The following CIB4 variants were observed in gnomAD, a reference collection of about 807,000 sequenced individuals.
CIB4 encodes calcium and integrin binding family member 4.
In CIB4, 25 loss-of-function variants were observed where a neutral mutation model predicts 25.8. The ratio of observed to expected loss-of-function variants is 0.97; its 90% CI spans 0.71 to 1.35. The LOEUF (loss-of-function observed/expected upper bound fraction) is 1.35. Among genes scored for constraint, CIB4 ranks in the 40% most tolerant of loss-of-function variants. The pLI is 0.00. For synonymous variants in CIB4, 75 were observed against 81.4 expected (o/e 0.92, Z 0.42); for missense variants, 235 against 228.2 (o/e 1.03, Z -0.19).
chr2:26,625,127 A>T (rs1669275335), intron 3 of CIB4, among the ~76,000 whole-genome samples: 1 of 152,144 alleles, frequency 6.6e-6, no homozygotes, highest in South Asian at 2.1e-4. Context: ...CTAGGGCCAG[A>T]ACCACAGACT....
chr2:26,588,435 G>A (rs1160518676), intron 4 of CIB4, among the ~76,000 whole-genome samples: 3 of 152,228 alleles, frequency 2.0e-5, no homozygotes, highest in Non-Finnish European at 1.5e-5. Context: ...CAGACCACTT[G>A]GGAGGGGCTA....
chr2:26,609,099 C>T (rs1307719932), intron 3 of CIB4, among the ~76,000 whole-genome samples: 2 of 152,330 alleles, frequency 1.3e-5, no homozygotes, highest in Non-Finnish European at 1.5e-5. Flanking sequence ...TTTATTCTAC[C>T]GCTTTGCTGG....
intron 3 of CIB4, among the ~76,000 whole-genome samples, chr2:26,613,753 AC>A (rs1428374798): frequency 6.6e-6 from 1 of 152,184 alleles, no homozygotes; most frequent in Non-Finnish European, 1.5e-5. Flanking sequence ...TGCCTGGCAC[AC>A]AGAAGGGGCC....
At chr2:26,631,721 G>T (rs1669423320) in intron 2 of CIB4, among the ~76,000 whole-genome samples, 1 of 152,200 alleles carries the variant, frequency 6.6e-6, no homozygotes, top group Non-Finnish European at 1.5e-5. Flanking sequence ...TGCCCTGGGA[G>T]GCTGATCTCT....
At chr2:26,604,772 T>C (rs1668856834) in intron 3 of CIB4, among the ~76,000 whole-genome samples, 1 of 152,162 alleles carries the variant, frequency 6.6e-6, no homozygotes, top group African/African-American at 2.4e-5. Context: ...TGAGTAAACA[T>C]AAAGGGTTTT....
At chr2:26,633,268 G>A (rs1167448819) in intron 2 of CIB4, among the ~76,000 whole-genome samples, 3 of 152,188 alleles carry the variant, frequency 2.0e-5, no homozygotes, top group African/African-American at 7.2e-5. Context: ...TGTGCCGGGT[G>A]CACTCACACA....
intron 3 of CIB4, among the ~76,000 whole-genome samples, chr2:26,610,069 C>T (rs1407169257): frequency 2.0e-5 from 3 of 152,168 alleles, no homozygotes; most frequent in African/African-American, 7.2e-5. Context: ...TGTGCCTCCA[C>T]GACCCTCCTG....
chr2:26,596,167 T>C (rs930535952), intron 3 of CIB4, among the ~76,000 whole-genome samples: 8 of 152,220 alleles, frequency 5.3e-5, no homozygotes, highest in Non-Finnish European at 8.8e-5. Context: ...AAAAACCACA[T>C]TTCTGCAAGC....
intron 3 of CIB4, among the ~76,000 whole-genome samples, chr2:26,611,296 T>C (rs941644006): frequency 1.3e-5 from 2 of 152,204 alleles, no homozygotes; most frequent in African/African-American, 4.8e-5. Context: ...TCTCACATAA[T>C]ACTGTCCGTG....
intron 3 of CIB4, among the ~76,000 whole-genome samples, chr2:26,616,452 T>A (rs1173271027): frequency 6.6e-6 from 1 of 152,122 alleles, no homozygotes; most frequent in Non-Finnish European, 1.5e-5. Flanking sequence ...GTTCTCTCTG[T>A]CCTTTCTCAG....
Position 26,590,258 on chromosome 2 carries a change from TAAAAAAAAAAAA to T in CIB4, c.328+4906_328+4917del, listed in dbSNP as rs869097756. Reference sequence around the variant, plus strand: ...CCTGGAGCTGGGGCCCAAGCATCTGTAAAAAAAAAAAAAAAAAAAAAAAAAACTCACAGGTGA... The same window carrying T: ...CCTGGAGCTGGGGCCCAAGCATCTGTAAAAAAAAAAAAAACTCACAGGTGA... On this transcript the variant is annotated intron_variant, in intron 4 of 6. Transcript: ENST00000288861. 2.6e-4 allele frequency among the ~76,000 whole-genome samples: 16 copies of T among 61,830 alleles called. 1 individual carries two copies. Among genetic ancestry groups the T allele is most frequent in the African/African-American group, 1.0e-3 (14 of 13,676 alleles). 40.6% of individuals were successfully genotyped at this position (61,830 alleles called of 152,430 possible).
intron 3 of CIB4, among the ~76,000 whole-genome samples, chr2:26,609,869 C>G (rs987056528): frequency 2.0e-5 from 3 of 152,154 alleles, no homozygotes; most frequent in Admixed American, 1.3e-4. Context: ...ATATGAAAAC[C>G]CTTTAAAACA....
chr2:26,597,419 C>A (rs1170850512), intron 3 of CIB4, among the ~76,000 whole-genome samples: 31 of 144,228 alleles, frequency 2.1e-4, no homozygotes, highest in Non-Finnish European at 4.2e-4. Flanking sequence ...TCAGTTACGA[C>A]AGCTATTAAA....
At chr2:26,637,084 C>A (rs747936793) in intron 2 of CIB4, among the ~76,000 whole-genome samples, 2 of 152,136 alleles carry the variant, frequency 1.3e-5, no homozygotes, top group African/African-American at 2.4e-5. Context: ...GAGTCAGGGG[C>A]CTGTCTGGCT....
chr2:26,601,217 CA>C (rs142951418), intron 3 of CIB4, among the ~76,000 whole-genome samples: 372 of 23,618 alleles, frequency 0.016, no homozygotes, highest in East Asian at 0.094. Flanking sequence ...GAGACCATGT[CA>C]AAAAAAAAAA....
At position 26,581,794 on chromosome 2, in the gene CIB4, C is replaced by G. The variant is rs902981484; in HGVS notation, c.528-401G>C. On this transcript the variant is annotated intron_variant, in intron 6 of 6. Coordinates refer to ENST00000288861, the MANE Select transcript of CIB4 (RefSeq NM_001029881.3). ...CACCCAGGCCACAGGCCCTAGCAGG[C>G]CTGTTGGAATGAGGAGCCCCCTCCT... Among the ~76,000 whole-genome samples the G allele has an allele frequency of 4.6e-5, 7 of 152,292 alleles. No individual in the cohort carries two copies. The South Asian group carries it at 1.0e-3, about 23-fold the overall frequency.
chr2:26,601,691 C>T (rs1055431818), intron 3 of CIB4, among the ~76,000 whole-genome samples: 1 of 151,966 alleles, frequency 6.6e-6, no homozygotes, highest in African/African-American at 2.4e-5. Flanking sequence ...TTTCAAATTA[C>T]ATTGCTCAAA....
chr2:26,624,853 TA>T (rs767686255), intron 3 of CIB4, among the ~76,000 whole-genome samples: 11 of 151,506 alleles, frequency 7.3e-5, no homozygotes, highest in Admixed American at 1.3e-4. Flanking sequence ...TATATATATA[TA>T]TTTTTTTTAT....
intron 3 of CIB4, among the ~76,000 whole-genome samples, chr2:26,604,826 A>G (rs1419288819): frequency 1.3e-5 from 2 of 152,234 alleles, no homozygotes; most frequent in African/African-American, 2.4e-5. Context: ...ATTCACAATT[A>G]TAGTTGGAGA....
Sources: gnomAD v4.1 joint callset for allele counts (sites outside exome capture counted in the v4.1 genomes callset) on GRCh38, gnomAD v4.1.1 for gene constraint, MANE v1.5 for transcripts, NCBI Gene and HGNC (gene_info 2026-07-23, HGNC 2026-07-21) for gene names.